AP2A1: variants seen among roughly 807,000 people sequenced by gnomAD.
AP2A1 encodes AP-2 complex subunit alpha-1.
In AP2A1, 21 loss-of-function variants were observed where a neutral mutation model predicts 107.3. That is an observed-to-expected ratio of 0.20 (90% CI 0.14 to 0.28). The LOEUF (loss-of-function observed/expected upper bound fraction) is 0.28. Ranked by LOEUF, AP2A1 falls within the 10% of genes least tolerant of loss-of-function variation. AP2A1 has a pLI of 1.00. For synonymous variants in AP2A1, 602 were observed against 564.8 expected, an observed-to-expected ratio of 1.07 and a Z score of -0.93; for missense variants, 873 against 1,307.7, an observed-to-expected ratio of 0.67 and a Z score of 5.13.
chr19:49,803,442 C>A, intron 18 of AP2A1, 66 bp downstream of exon 18: 1 of 1,363,976 alleles, frequency 7.3e-7, no homozygotes, highest in Non-Finnish European at 1.0e-6. Flanking sequence ...GTGGGGAAGC[C>A]GGCTGACCCA....
rs954828923 is a variant in AP2A1, at chr19:49,774,549, C to CT, written c.68-7198dup. On this transcript the variant is annotated intron_variant, in intron 1 of 22. Transcript: ENST00000354293. ...CAAGCCATATATATGTTGAAATTTTCTTTTTTTTTTCTTTTTTTGAGACGG... is the reference window on the plus strand; with the variant it reads ...CAAGCCATATATATGTTGAAATTTTCTTTTTTTTTTTCTTTTTTTGAGACGG... Among the ~76,000 whole-genome samples, 608 of 149,308 alleles carry CT rather than the reference C, an allele frequency of 4.1e-3. 3 individuals are homozygous for CT. Among genetic ancestry groups the CT allele is most frequent in the African/African-American group, 0.013 (537 of 40,744 alleles).
intron 6 of AP2A1, among the ~76,000 whole-genome samples, chr19:49,794,691 T>G (rs1339990471): frequency 2.0e-5 from 3 of 151,884 alleles, no homozygotes; most frequent in African/African-American, 7.3e-5. Flanking sequence ...AGATGGAGTT[T>G]CGCTCTTATT....
chr19:49,781,881 C>CTCCTGTGACCTA (rs900365784), intron 2 of AP2A1, 56 bp downstream of exon 2: 2 of 1,608,486 alleles, frequency 1.2e-6, no homozygotes, highest in Non-Finnish European at 1.7e-6. Context: ...GGAGCTGGGG[C>CTCCTGTGACCTA]TCCTGTGACC....
At chr19:49,800,224 G>A in intron 11 of AP2A1, 74 bp downstream of exon 11, 1 of 1,486,066 alleles carries the variant, frequency 6.7e-7, no homozygotes, top group Non-Finnish European at 9.1e-7. Flanking sequence ...CCGGGGCCGT[G>A]GCGCCTGCCA....
chr19:49,772,527 G>A (rs1179208286), intron 1 of AP2A1, among the ~76,000 whole-genome samples: 121 of 148,106 alleles, frequency 8.2e-4, no homozygotes, highest in Middle Eastern at 3.6e-3. Flanking sequence ...ACGGAGTCTC[G>A]CTCTGTCCCC....
Position 49,803,205 on chromosome 19 carries a change from C to A in AP2A1, c.2254+16C>A, listed in dbSNP as rs1297224765. The A allele has an allele frequency of 6.2e-7, 1 of 1,613,904 alleles. No individual in the cohort carries two copies. The highest frequency in any genetic ancestry group is 1.3e-5 in the African/African-American group (1 of 75,016). ...CAGAACCTGGGTGTGTCCCGGGGGA[C>A]TGTGGGAATGGGTCGGAGGGAGACC... On this transcript the variant is annotated intron_variant, in intron 17 of 22. Coordinates refer to ENST00000354293, the MANE Select transcript of AP2A1 (RefSeq NM_130787.3).
At chr19:49,792,880 A>T (rs993219594) in intron 5 of AP2A1, 111 bp from the exon 6 acceptor site, 1 of 949,090 alleles carries the variant, frequency 1.1e-6, no homozygotes, top group African/African-American at 1.6e-5. Flanking sequence ...ACACCCCTAA[A>T]CCCCATCTTC....
In AP2A1 at chr19:49,788,710, G is replaced by A. The variant is rs986732019; in HGVS notation, c.474-3225G>A. ...CAGAGTCAGGGCTCGGGAGATGCGC[G>A]CCGTGACGGAGATGGGAAAGTGGCC... On this transcript the variant is annotated intron_variant, in intron 4 of 22. Transcript: ENST00000354293. This position sits in a 1 kb window ranked among gnomAD's most constrained non-coding sequence, Gnocchi z 4.5. 7.2e-5 allele frequency among the ~76,000 whole-genome samples: 11 copies of A among 152,098 alleles called. No homozygotes were observed. Among genetic ancestry groups the A allele is most frequent in the Non-Finnish European group, 1.2e-4 (8 of 68,010 alleles).
At chr19:49,782,133 T>C in intron 3 of AP2A1, 44 bp downstream of exon 3, 1 of 352,402 alleles carries the variant, frequency 2.8e-6, no homozygotes, top group Non-Finnish European at 3.9e-6. Flanking sequence ...CTCCTGGGTC[T>C]GCGGGGGAGG....
At position 49,792,019 on chromosome 19, in the gene AP2A1, C is replaced by T. The variant is rs1256866977; in HGVS notation, c.558C>T (p.Gly186=). The T allele has an allele frequency of 2.5e-6, 4 of 1,612,870 alleles. No homozygotes were observed. Among genetic ancestry groups the T allele is most frequent in the Non-Finnish European group, 3.4e-6 (4 of 1,179,520 alleles). Residue 186 remains glycine, a synonymous_variant, in exon 5 of 23, where the codon GGC becomes GGT. Coordinates refer to ENST00000354293, the MANE Select transcript of AP2A1 (RefSeq NM_130787.3). ...YKASPDLVPM[G]EWTARVVHLL... ...CCTCGCCTGACCTGGTGCCCATGGG[C>T]GAGTGGACGGCGCGTGTGGTACACC...
intron 1 of AP2A1, among the ~76,000 whole-genome samples, chr19:49,773,826 A>C (rs2084589975): frequency 6.6e-6 from 1 of 152,172 alleles, no homozygotes; most frequent in African/African-American, 2.4e-5. Flanking sequence ...ACTCTGGAAG[A>C]GGGAGCTGCC....
chr19:49,807,024 C>CCG lies in AP2A1; in HGVS notation c.*266_*267insCG. ...GCCAGGGAAGTGGATGTCTCCTCCCCTCCCACCCCACCCTGTTGTAGCCCC... is the reference window on the plus strand; with the variant it reads ...GCCAGGGAAGTGGATGTCTCCTCCCCCGTCCCACCCCACCCTGTTGTAGCCCC... On this transcript the variant is annotated 3_prime_UTR_variant, in exon 23 of 23. Coordinates refer to ENST00000354293, the MANE Select transcript of AP2A1 (RefSeq NM_130787.3). 6.8e-7 allele frequency: 1 copy of CCG among 1,478,256 alleles called. No individual in the cohort carries two copies. Among genetic ancestry groups the CCG allele is most frequent in the Non-Finnish European group, 9.1e-7 (1 of 1,099,830 alleles). The allele number at this position is 1,478,256 out of a possible 1,614,324, so 91.6% of individuals were successfully genotyped here.
In AP2A1 at chr19:49,802,125, G is replaced by A; in HGVS notation, c.2098G>A (p.Glu700Lys). 1 of 1,563,100 alleles carries A rather than the reference G, an allele frequency of 6.4e-7. No individual in the cohort carries two copies. Among genetic ancestry groups the A allele is most frequent in the Non-Finnish European group, 8.6e-7 (1 of 1,162,406 alleles). Residue 700 changes from glutamate (E) to lysine (K), a missense_variant, in exon 15 of 23, where the codon GAG becomes AAG. Physicochemically the swap from Glu to Lys is moderately conservative, Grantham distance 56 (BLOSUM62 1). This residue lies in a region of AP2A1 where 416 missense variants were observed against 473.4 expected (regional missense o/e 0.88). Transcript: ENST00000354293. Reference protein sequence around the residue: ...AAQPSLGPTPEEAFLSPGPED... With the variant: ...AAQPSLGPTPKEAFLSPGPED... ...CCAGCCCAGCCTGGGGCCCACCCCCGAGGAGGCCTTCCTCAGGTAGCACCC... is the reference window on the plus strand; with the variant it reads ...CCAGCCCAGCCTGGGGCCCACCCCCAAGGAGGCCTTCCTCAGGTAGCACCC...
intron 1 of AP2A1, among the ~76,000 whole-genome samples, chr19:49,769,106 C>T (rs2084532278): frequency 1.3e-5 from 2 of 152,072 alleles, no homozygotes; most frequent in African/African-American, 2.4e-5. Context: ...AAAAATTAGC[C>T]AGGTGTGGTG....
rs1398543679 is a variant in AP2A1, at chr19:49,801,789, G to A, written c.1853G>A (p.Arg618His). 2.6e-6 allele frequency: 4 copies of A among 1,566,092 alleles called. No homozygotes were observed. The highest frequency in any genetic ancestry group is 3.7e-5 in the Admixed American group (2 of 53,686). The part of the protein sequence containing the change: ...RESSILAKLK[R>H]KKGPGAGSAL... ...TCGTCCATCCTGGCCAAGCTGAAAC[G>A]CAAGAAGGGGCCAGGGGCCGGCAGC... Residue 618 changes from arginine to histidine, a missense_variant, in exon 14 of 23, where the codon CGC (arginine) becomes CAC (histidine). By Grantham distance (29) the Arg-to-His change is conservative. Around this residue, in one of 4 missense-constraint regions of AP2A1, gnomAD observed 416 missense variants for 473.4 expected, o/e 0.88. Transcript: ENST00000354293.
At chr19:49,769,175 G>A (rs1359753939) in intron 1 of AP2A1, among the ~76,000 whole-genome samples, 2 of 152,012 alleles carry the variant, frequency 1.3e-5, no homozygotes, top group Non-Finnish European at 1.5e-5. Context: ...GCTTGAACCC[G>A]GGAGGCAGAG....
intron 6 of AP2A1, 40 bp from the exon 7 acceptor site, chr19:49,795,590 C>A: frequency 9.3e-6 from 7 of 755,886 alleles, no homozygotes; most frequent in South Asian, 8.8e-5. Flanking sequence ...GTGCCCCTCC[C>A]ACCCCAGCCC....
At chr19:49,798,404 C>T (rs2073237615) in intron 7 of AP2A1, among the ~76,000 whole-genome samples, 1 of 152,150 alleles carries the variant, frequency 6.6e-6, no homozygotes, top group African/African-American at 2.4e-5. Flanking sequence ...TCAGCACTCA[C>T]ACCAGTCCTT....
intron 8 of AP2A1, 112 bp from the exon 9 acceptor site, chr19:49,799,215 G>A: frequency 7.5e-7 from 1 of 1,335,752 alleles, no homozygotes; most frequent in South Asian, 1.4e-5. Context: ...AGGCCGGCAA[G>A]GTTAAGACCT....
Sources: allele counts gnomAD v4.1 joint callset (sites outside exome capture counted in the v4.1 genomes callset), GRCh38; gene constraint gnomAD v4.1.1; regional missense constraint gnomAD v4.1.1; non-coding constraint Gnocchi (gnomAD v3.1); transcripts MANE v1.5; gene names NCBI Gene and HGNC (gene_info 2026-07-23, HGNC 2026-07-21).